Variants in SLC35F3 observed in about 807,000 individuals in gnomAD.
The protein encoded by SLC35F3 is putative thiamine transporter SLC35F3.
A neutral mutation model predicts 49.9 loss-of-function variants in SLC35F3; 25 were observed. The observed-to-expected ratio is 0.50, with a 90% confidence interval of 0.37 to 0.70. The LOEUF is 0.70. SLC35F3 is among the 30% of genes least tolerant of loss of function. The pLI is 0.00. For missense variants in SLC35F3, 525 were observed against 639.8 expected, an observed-to-expected ratio of 0.82 and a Z score of 1.94; for synonymous variants, 275 against 265.4, an observed-to-expected ratio of 1.04 and a Z score of -0.35.
intron 2 of SLC35F3, among the ~76,000 whole-genome samples, chr1:234,086,656 G>T (rs2102875178): frequency 6.6e-6 from 1 of 152,316 alleles, no homozygotes; most frequent in South Asian, 2.1e-4. Context: ...TGGCTGGGAT[G>T]TTGTTGTAGA....
chr1:234,273,739 A>G (rs1668149830), intron 3 of SLC35F3, among the ~76,000 whole-genome samples: 1 of 152,130 alleles, frequency 6.6e-6, no homozygotes, highest in African/African-American at 2.4e-5. Flanking sequence ...GGGCATCTGA[A>G]TGGAGAAATG....
intron 2 of SLC35F3, among the ~76,000 whole-genome samples, chr1:234,220,139 A>G (rs1014869231): frequency 3.3e-5 from 5 of 150,722 alleles, no homozygotes; most frequent in East Asian, 1.9e-4. Context: ...AAAGACGGTC[A>G]TGGGCAGCAG....
chr1:234,291,696 TG>T (rs1206250013), intron 3 of SLC35F3, among the ~76,000 whole-genome samples: 2 of 152,190 alleles, frequency 1.3e-5, no homozygotes, highest in Non-Finnish European at 2.9e-5. Flanking sequence ...CCCAAAGTGC[TG>T]GGATTACAGG....
At chr1:234,088,941 T>C (rs950449767) in intron 2 of SLC35F3, among the ~76,000 whole-genome samples, 5 of 151,982 alleles carry the variant, frequency 3.3e-5, no homozygotes, top group Non-Finnish European at 5.9e-5. Context: ...TTTGTATTTT[T>C]AGTAGAGAGG....
intron 2 of SLC35F3, among the ~76,000 whole-genome samples, chr1:233,940,923 G>A (rs991859491): frequency 6.6e-6 from 1 of 152,170 alleles, no homozygotes; most frequent in Non-Finnish European, 1.5e-5. Flanking sequence ...AGGGTATACT[G>A]ATTTACAACA....
chr1:234,200,028 T>G (rs1374389774), intron 2 of SLC35F3, among the ~76,000 whole-genome samples: 1 of 152,200 alleles, frequency 6.6e-6, no homozygotes, highest in Non-Finnish European at 1.5e-5. Context: ...GACAACACAC[T>G]GTTGGTGGGA....
chr1:233,977,476 T>G (rs1045509846), intron 2 of SLC35F3, among the ~76,000 whole-genome samples: 2 of 152,178 alleles, frequency 1.3e-5, no homozygotes, highest in African/African-American at 4.8e-5. Context: ...TCTGGTATCA[T>G]CTGATAGAGT....
At chr1:234,137,779 GGA>G (rs2102901450) in intron 2 of SLC35F3, among the ~76,000 whole-genome samples, 1 of 152,314 alleles carries the variant, frequency 6.6e-6, no homozygotes, top group Non-Finnish European at 1.5e-5. Context: ...CAAATTAGCA[GGA>G]GAGACAGGGT....
chr1:234,221,060 A>G (rs961773244), intron 2 of SLC35F3, among the ~76,000 whole-genome samples: 2 of 152,114 alleles, frequency 1.3e-5, no homozygotes, highest in Non-Finnish European at 2.9e-5. Flanking sequence ...GAACTCAGAT[A>G]GTACGGTGGC....
At chr1:233,966,831 G>T (rs781498320) in intron 2 of SLC35F3, among the ~76,000 whole-genome samples, 1 of 152,206 alleles carries the variant, frequency 6.6e-6, no homozygotes, top group Non-Finnish European at 1.5e-5. Flanking sequence ...GGAAATTCAT[G>T]ACTGTGCTTC....
chr1:234,111,476 G>T (rs1665404602), intron 2 of SLC35F3, among the ~76,000 whole-genome samples: 1 of 152,184 alleles, frequency 6.6e-6, no homozygotes, highest in African/African-American at 2.4e-5. Flanking sequence ...ATTTTCAGTA[G>T]AGACGGGGGT....
chr1:234,264,135 A>G (rs1279274973), intron 3 of SLC35F3, among the ~76,000 whole-genome samples: 6 of 152,166 alleles, frequency 3.9e-5, no homozygotes, highest in Non-Finnish European at 8.8e-5. Context: ...AATGCCATAA[A>G]TTGGGAGGAA....
At chr1:234,008,915 A>G (rs1663671612) in intron 2 of SLC35F3, among the ~76,000 whole-genome samples, 2 of 152,186 alleles carry the variant, frequency 1.3e-5, no homozygotes, top group African/African-American at 4.8e-5. Flanking sequence ...CAGTTATCAG[A>G]CTGATTCCTG....
chr1:233,933,165 T>G (rs935157784), intron 2 of SLC35F3, among the ~76,000 whole-genome samples: 4 of 152,044 alleles, frequency 2.6e-5, no homozygotes, highest in African/African-American at 4.8e-5. Context: ...GGCAGAAGAA[T>G]AGTGAAGCAC....
At chr1:234,268,470 G>C (rs1668043502) in intron 3 of SLC35F3, 1 of 152,380 alleles carries the variant, frequency 6.6e-6, no homozygotes, top group South Asian at 2.1e-4. Flanking sequence ...AGAGGGAGAG[G>C]GAGAGGGAGG....
chr1:233,940,369 C>CAG lies in SLC35F3; in HGVS notation c.283+34637_283+34638dup, dbSNP rs10579621. 4.6e-3 allele frequency among the ~76,000 whole-genome samples: 679 copies of CAG among 146,950 alleles called. 2 individuals are homozygous for CAG. Among genetic ancestry groups the CAG allele is most frequent in the African/African-American group, 0.013 (499 of 39,698 alleles). On this transcript the variant is annotated intron_variant, in intron 2 of 7. Transcript: ENST00000366618. ...GGATACAGACACACACACACACACA[C>CAG]AGAGAGAGAGAGAGAGAGAGAGAGA...
chr1:233,947,575 C>T (rs1207264113), intron 2 of SLC35F3, among the ~76,000 whole-genome samples: 1 of 151,538 alleles, frequency 6.6e-6, no homozygotes, highest in African/African-American at 2.4e-5. Context: ...AAATGGGTAC[C>T]ACTACAGTTA....
intron 2 of SLC35F3, among the ~76,000 whole-genome samples, chr1:234,165,988 A>G (rs1666312753): frequency 6.6e-6 from 1 of 152,164 alleles, no homozygotes; most frequent in Non-Finnish European, 1.5e-5. Context: ...ACTTAGAATA[A>G]TGGCCTCCAG....
chr1:234,209,437 C>T (rs564908049), intron 2 of SLC35F3, among the ~76,000 whole-genome samples: 6 of 152,184 alleles, frequency 3.9e-5, no homozygotes, highest in Admixed American at 2.0e-4. Flanking sequence ...TACACCAGTA[C>T]ACCATTAGCT....
Sources: gnomAD v4.1 joint callset for allele counts (sites outside exome capture counted in the v4.1 genomes callset) on GRCh38, gnomAD v4.1.1 for gene constraint, MANE v1.5 for transcripts, NCBI Gene and HGNC (gene_info 2026-07-23, HGNC 2026-07-21) for gene names.